Variants in TDRKH observed in about 807,000 individuals in gnomAD.
TDRKH encodes the protein tudor and KH domain-containing protein.
A neutral mutation model predicts 61.3 loss-of-function variants in TDRKH; 28 were observed. The observed-to-expected ratio is 0.46, with a 90% CI of 0.34 to 0.63. The LOEUF is 0.63. TDRKH is among the 20% of genes least tolerant of loss of function. TDRKH has a pLI of 0.01. For synonymous variants in TDRKH, 219 were observed against 244.4 expected, an observed-to-expected ratio of 0.90 and a Z score of 0.97; for missense variants, 540 against 683.4, an observed-to-expected ratio of 0.79 and a Z score of 2.34.
At chr1:151,770,271 G>A (rs1249214811), downstream of TDRKH, 6 of 1,610,712 alleles carry the variant, frequency 3.7e-6, no homozygotes, top group Admixed American at 5.0e-5. Flanking sequence ...GGGATCTGCT[G>A]TTCTTCCTTG....
chr1:151,775,788 G>C (rs965787393), intron 9 of TDRKH, 32 bp downstream of exon 9: 1 of 1,602,410 alleles, frequency 6.2e-7, no homozygotes, highest in African/African-American at 1.3e-5. Context: ...TCTATTTGGA[G>C]GTAAGCTCAA....
At chr1:151,781,317 C>CAAAA (rs58169893) in intron 3 of TDRKH, among the ~76,000 whole-genome samples, 164 bp downstream of exon 3, 23 of 64,680 alleles carry the variant, frequency 3.6e-4, no homozygotes, top group Non-Finnish European at 5.9e-4. Flanking sequence ...AACTCCATCT[C>CAAAA]AAAAAAAAAA....
In TDRKH at chr1:151,775,875, G is replaced by A. The variant is rs1571985124; in HGVS notation, c.1227C>T (p.Phe409=). The A allele has an allele frequency of 6.2e-7, 1 of 1,613,004 alleles. No homozygotes were observed. Among genetic ancestry groups the A allele is most frequent in the Non-Finnish European group, 8.5e-7 (1 of 1,179,158 alleles). The change falls in exon 9 of 13, where the codon TTC becomes TTT. Residue 409 remains phenylalanine (F), a synonymous_variant. Transcript: ENST00000368824. ...LKDLRALRSD[F]LSLPFQAIEC... Reference sequence around the variant, plus strand: ...CTATTGCTTGAAATGGAAGGCTTAGGAAGTCACTCCTGAAGTAAAAGAAAC... The same window carrying A: ...CTATTGCTTGAAATGGAAGGCTTAGAAAGTCACTCCTGAAGTAAAAGAAAC...
At chr1:151,790,109 T>C (rs1257752049) in intron 1 of TDRKH, among the ~76,000 whole-genome samples, 4 of 152,312 alleles carry the variant, frequency 2.6e-5, no homozygotes, top group Admixed American at 1.3e-4. Flanking sequence ...GAGTCTGAAC[T>C]GACTCAGGGC....
At chr1:151,787,747 G>C (rs534420843) in intron 1 of TDRKH, among the ~76,000 whole-genome samples, 5 of 143,078 alleles carry the variant, frequency 3.5e-5, no homozygotes, top group Middle Eastern at 3.8e-3. Context: ...TAAGGTAGGA[G>C]GACTGCTTGA....
At chr1:151,766,875 C>T (rs776894094), downstream of TDRKH, 8 of 1,610,572 alleles carry the variant, frequency 5.0e-6, no homozygotes, top group East Asian at 4.5e-5. Flanking sequence ...GATGCTGCCT[C>T]GTTGTTATAA....
intron 1 of TDRKH, among the ~76,000 whole-genome samples, chr1:151,783,397 G>C (rs1326467824): frequency 1.3e-5 from 2 of 152,106 alleles, no homozygotes; most frequent in African/African-American, 4.8e-5. Flanking sequence ...ATGCCTCCAG[G>C]GCTTTCCAGA....
At chr1:151,782,818 C>A in intron 2 of TDRKH, 81 bp downstream of exon 2, 1 of 1,458,994 alleles carries the variant, frequency 6.9e-7, no homozygotes. Flanking sequence ...CAATACCTGG[C>A]AAGGAAAGAG....
intron 2 of TDRKH, chr1:151,781,859 T>A: frequency 2.2e-6 from 1 of 450,732 alleles, no homozygotes; most frequent in Non-Finnish European, 4.2e-6. Flanking sequence ...TTGGGCAAAC[T>A]ACTTCTCCCA....
intron 1 of TDRKH, 128 bp from the exon 2 acceptor site, chr1:151,783,177 G>A (rs1650000568): frequency 5.3e-6 from 4 of 760,742 alleles, no homozygotes; most frequent in Non-Finnish European, 7.6e-6. Context: ...AAGAGCTTCA[G>A]CAATTTCAAA....
At chr1:151,787,438 C>T (rs1650427634) in intron 1 of TDRKH, among the ~76,000 whole-genome samples, 1 of 152,010 alleles carries the variant, frequency 6.6e-6, no homozygotes, top group African/African-American at 2.4e-5. Flanking sequence ...AGGATGGTCT[C>T]GAACTGCTGA....
At position 151,776,536 on chromosome 1, in the gene TDRKH, T is replaced by G; in HGVS notation, c.947A>C (p.Glu316Ala). 5 of 1,614,088 alleles carry G rather than the reference T, an allele frequency of 3.1e-6. No homozygotes were observed. The highest frequency in any genetic ancestry group is 4.2e-6 in the Non-Finnish European group (5 of 1,180,020). Residue 316 changes from glutamate (E) to alanine (A), a missense_variant, in exon 7 of 13, where the codon GAG (glutamate) becomes GCG (alanine). Glu to Ala is a moderately radical substitution (Grantham distance 107). Coordinates refer to ENST00000368824, the MANE Select transcript of TDRKH (RefSeq NM_001083965.2). ...CTGGATCCAGAAGTGGTTAGGGTGC[T>G]CAGAAGCAGAAACGTAGACTTCTAG... ...EYLEVYVSAS[E>A]HPNHFWIQIV...
intron 1 of TDRKH, among the ~76,000 whole-genome samples, chr1:151,787,439 G>A (rs1356234696): frequency 6.6e-5 from 10 of 152,026 alleles, no homozygotes; most frequent in African/African-American, 1.4e-4. Flanking sequence ...GGATGGTCTC[G>A]AACTGCTGAC....
chr1:151,787,806 T>TA (rs1380990038), intron 1 of TDRKH, among the ~76,000 whole-genome samples: 6 of 50,816 alleles, frequency 1.2e-4, no homozygotes, highest in South Asian at 1.2e-3. Flanking sequence ...ACTCTGTTTC[T>TA]ACAAAAAAAA....
chr1:151,785,848 A>C (rs946177591), intron 1 of TDRKH, among the ~76,000 whole-genome samples: 1 of 152,236 alleles, frequency 6.6e-6, no homozygotes, highest in African/African-American at 2.4e-5. Context: ...ACTGAAGACT[A>C]AAAAACTAAA....
chr1:151,766,857 C>G (rs188726350), downstream of TDRKH: 2 of 1,612,622 alleles, frequency 1.2e-6, no homozygotes, highest in African/African-American at 2.7e-5. Context: ...GATCACTCTC[C>G]GGGAGAAGAT....
At chr1:151,786,139 C>T (rs193165186) in intron 1 of TDRKH, among the ~76,000 whole-genome samples, 1 of 152,198 alleles carries the variant, frequency 6.6e-6, no homozygotes, top group Admixed American at 6.5e-5. Flanking sequence ...TCAGGGAAAG[C>T]ACAGTCAATC....
At position 151,774,756 on chromosome 1, in the gene TDRKH, CTT is replaced by C. The variant is rs1648984918; in HGVS notation, c.1585_1586del (p.Lys529GlufsTer23). ...SLSTLLTETKKSSGEITHTLS... is the reference protein window; with the variant it reads ...SLSTLLTETKXSSGEITHTLS... ...GGGTATGTGTTATCTCTCCAGAGCT[CTT>C]TTTGGTCTCAGTGAGCAACGTGCTG... On this transcript the variant is annotated frameshift_variant, in exon 12 of 13. Transcript: ENST00000368824. LOFTEE classifies it high-confidence loss of function. 6.2e-7 allele frequency: 1 copy of C among 1,614,004 alleles called. No homozygotes were observed. The highest frequency in any genetic ancestry group is 1.7e-5 in the Admixed American group (1 of 60,000).
At chr1:151,781,881 C>A in intron 2 of TDRKH, 1 of 451,722 alleles carries the variant, frequency 2.2e-6, no homozygotes, top group Non-Finnish European at 4.2e-6. Flanking sequence ...GACATGACTA[C>A]TGGAGAAGAA....
Sources: allele counts gnomAD v4.1 joint callset (sites outside exome capture counted in the v4.1 genomes callset), GRCh38; gene constraint gnomAD v4.1.1; transcripts MANE v1.5; gene names NCBI Gene and HGNC (gene_info 2026-07-23, HGNC 2026-07-21).